The following SMYD3 variants were observed in gnomAD, a reference collection of about 807,000 sequenced individuals.
The protein encoded by SMYD3 is histone-lysine N-methyltransferase SMYD3.
Under a neutral mutation model 57.7 loss-of-function variants are expected in SMYD3, and 36 were observed. The observed-to-expected ratio is 0.62, with a 90% CI of 0.48 to 0.82. The LOEUF (loss-of-function observed/expected upper bound fraction) is 0.82. SMYD3 is among the 40% of genes least tolerant of loss of function. The pLI is 0.00. For synonymous variants in SMYD3, 211 were observed against 195.0 expected, an observed-to-expected ratio of 1.08 and a Z score of -0.68; for missense variants, 515 against 538.8, an observed-to-expected ratio of 0.96 and a Z score of 0.44.
intron 10 of SMYD3, among the ~76,000 whole-genome samples, chr1:245,855,922 T>C (rs1306620777): frequency 2.0e-5 from 3 of 152,236 alleles, no homozygotes; most frequent in African/African-American, 7.2e-5. Context: ...TTACAGCAGA[T>C]GGCAATGCAA....
intron 5 of SMYD3, among the ~76,000 whole-genome samples, chr1:246,123,756 C>A (rs1572064901): frequency 6.6e-6 from 1 of 152,146 alleles, no homozygotes; most frequent in Admixed American, 6.5e-5. Context: ...ATGCTAAGTC[C>A]AAAATGCCTA....
intron 2 of SMYD3, among the ~76,000 whole-genome samples, chr1:246,340,640 T>G (rs2065618525): frequency 1.3e-5 from 2 of 152,208 alleles, no homozygotes; most frequent in Admixed American, 6.5e-5. Flanking sequence ...TGCTCTGATC[T>G]TTCTGATGGG....
intron 1 of SMYD3, among the ~76,000 whole-genome samples, chr1:246,403,944 G>A (rs2066817465): frequency 6.6e-6 from 1 of 152,088 alleles, no homozygotes; most frequent in Admixed American, 6.5e-5. Context: ...CAAAGTCAAG[G>A]GTCTCATGGA....
chr1:246,384,780 AATT>A lies in SMYD3; in HGVS notation c.165-29689_165-29687del, dbSNP rs781322157. ...TTAAAAAGCCTAGGTTTGGAAGAAA[AATT>A]ATAATGGGAAACATACTGTGACAGC... On this transcript the variant is annotated intron_variant, in intron 1 of 11. Coordinates refer to ENST00000490107, the MANE Select transcript of SMYD3 (RefSeq NM_001167740.2). 5.9e-5 allele frequency among the ~76,000 whole-genome samples: 9 copies of A among 152,304 alleles called. No individual in the cohort carries two copies. In the East Asian group the frequency reaches 1.7e-3, roughly 29 times the overall value.
At chr1:246,075,417 T>C (rs943928496) in intron 5 of SMYD3, among the ~76,000 whole-genome samples, 1 of 152,154 alleles carries the variant, frequency 6.6e-6, no homozygotes, top group African/African-American at 2.4e-5. Flanking sequence ...ACTAAGTTTG[T>C]GGTACTTTCT....
intron 10 of SMYD3, among the ~76,000 whole-genome samples, chr1:245,832,528 A>G (rs920279233): frequency 2.0e-4 from 10 of 49,136 alleles, no homozygotes; most frequent in Non-Finnish European, 1.1e-3. Flanking sequence ...ACACCTGATT[A>G]TAAGTAATAT....
At chr1:246,332,387 G>A (rs954714504) in intron 3 of SMYD3, among the ~76,000 whole-genome samples, 2 of 152,234 alleles carry the variant, frequency 1.3e-5, no homozygotes, top group Non-Finnish European at 2.9e-5. Context: ...CTAATCCAGA[G>A]GAAAGCCCTA....
intron 10 of SMYD3, among the ~76,000 whole-genome samples, chr1:245,838,998 C>T (rs1455552594): frequency 6.6e-5 from 10 of 152,092 alleles, no homozygotes; most frequent in Non-Finnish European, 1.0e-4. Context: ...CTTGATTGCT[C>T]GTCTGCAGCA....
intron 10 of SMYD3, among the ~76,000 whole-genome samples, chr1:245,797,524 G>T (rs557410818): frequency 1.8e-4 from 25 of 137,154 alleles, no homozygotes; most frequent in South Asian, 1.3e-3. Context: ...TGGGGCCTGT[G>T]GTGGGGTGGG....
At chr1:245,877,573 G>C (rs2052555254) in intron 8 of SMYD3, among the ~76,000 whole-genome samples, 1 of 152,202 alleles carries the variant, frequency 6.6e-6, no homozygotes, top group African/African-American at 2.4e-5. Flanking sequence ...GCAACAGTGA[G>C]AGAGGAAGAG....
intron 5 of SMYD3, among the ~76,000 whole-genome samples, chr1:246,233,521 C>T (rs1475864156): frequency 7.2e-6 from 1 of 137,974 alleles, no homozygotes; most frequent in Admixed American, 7.2e-5. Context: ...ACATATACCA[C>T]ACAGAGGAGA....
At chr1:246,139,512 TTC>T (rs773789545) in intron 5 of SMYD3, among the ~76,000 whole-genome samples, 1 of 152,240 alleles carries the variant, frequency 6.6e-6, no homozygotes, top group Non-Finnish European at 1.5e-5. Context: ...TGCACTCTTT[TTC>T]TCTTTTTCTA....
chr1:246,389,892 C>T (rs1322336110), intron 1 of SMYD3, among the ~76,000 whole-genome samples: 2 of 151,970 alleles, frequency 1.3e-5, no homozygotes, highest in Non-Finnish European at 2.9e-5. Context: ...ACCTCCTTGC[C>T]TCAGGCTGCT....
chr1:246,204,818 T>C (rs1022354332), intron 5 of SMYD3, among the ~76,000 whole-genome samples: 4 of 152,232 alleles, frequency 2.6e-5, no homozygotes, highest in Non-Finnish European at 2.9e-5. Flanking sequence ...ATTGTCAAAA[T>C]AGGTGATTAA....
intron 5 of SMYD3, among the ~76,000 whole-genome samples, chr1:246,280,933 C>A (rs1021515700): frequency 4.6e-5 from 7 of 152,178 alleles, no homozygotes; most frequent in African/African-American, 1.7e-4. Context: ...TTCCTCAGAC[C>A]TTTGTCTATT....
At chr1:246,326,466 TTAA>T in intron 5 of SMYD3, 2 of 627,092 alleles carry the variant, frequency 3.2e-6, no homozygotes, top group South Asian at 1.8e-5. Flanking sequence ...TCGGAATCAT[TTAA>T]AAAAAAAAAA....
At chr1:245,864,125 G>A (rs367678058) in intron 8 of SMYD3, among the ~76,000 whole-genome samples, 5 of 152,220 alleles carry the variant, frequency 3.3e-5, no homozygotes, top group Non-Finnish European at 5.9e-5. Flanking sequence ...GCAGAGAAAC[G>A]GAAACCCTCA....
At position 246,060,532 on chromosome 1, in the gene SMYD3, G is replaced by GA. The variant is rs200012815; in HGVS notation, c.532-130596dup. Among the ~76,000 whole-genome samples the GA allele has an allele frequency of 3.4e-3, 509 of 151,332 alleles. 5 individuals carry two copies. Among genetic ancestry groups the GA allele is most frequent in the African/African-American group, 0.011 (461 of 41,054 alleles). On this transcript the variant is annotated intron_variant, in intron 5 of 11. Coordinates refer to ENST00000490107, the MANE Select transcript of SMYD3 (RefSeq NM_001167740.2). ...TTCTTGATTTCTGAAGATAAAAAAGGAAAAAAATAGAAAAAGCAGAAAAGC... is the reference window on the plus strand; with the variant it reads ...TTCTTGATTTCTGAAGATAAAAAAGGAAAAAAAATAGAAAAAGCAGAAAAGC...
intron 5 of SMYD3, among the ~76,000 whole-genome samples, chr1:246,216,384 A>G (rs1425698985): frequency 2.0e-5 from 3 of 152,036 alleles, no homozygotes; most frequent in Non-Finnish European, 4.4e-5. Context: ...CAACCCAGAT[A>G]GACGCACTGA....
Sources: allele counts gnomAD v4.1 joint callset (sites outside exome capture counted in the v4.1 genomes callset), GRCh38; gene constraint gnomAD v4.1.1; transcripts MANE v1.5; gene names NCBI Gene and HGNC (gene_info 2026-07-23, HGNC 2026-07-21).